ARG2: variants seen among roughly 807,000 people sequenced by gnomAD.
The protein encoded by ARG2 is arginase-2, mitochondrial.
A neutral mutation model predicts 39.4 loss-of-function variants in ARG2; 21 were observed. That is an observed-to-expected ratio of 0.53 (90% confidence interval 0.38 to 0.77). The LOEUF (loss-of-function observed/expected upper bound fraction) is 0.77. Ranked by LOEUF, ARG2 falls within the 30% of genes least tolerant of loss-of-function variation. The pLI is 0.00. For missense variants in ARG2, 378 were observed against 426.2 expected, an observed-to-expected ratio of 0.89 and a Z score of 1.00; for synonymous variants, 150 against 156.7, an observed-to-expected ratio of 0.96 and a Z score of 0.32.
intron 3 of ARG2, among the ~76,000 whole-genome samples, chr14:67,644,366 T>C (rs2037069280): frequency 6.6e-6 from 1 of 152,180 alleles, no homozygotes; most frequent in Non-Finnish European, 1.5e-5. Context: ...AGAAATTAGA[T>C]GGTTTGTCTT....
chr14:67,648,327 C>A, intron 7 of ARG2, 144 bp downstream of exon 7: 1 of 884,984 alleles, frequency 1.1e-6, no homozygotes, highest in Non-Finnish European at 1.6e-6. Context: ...ATTATATGGC[C>A]ATGCTAATAA....
chr14:67,622,692 C>T (rs770034258), intron 2 of ARG2, among the ~76,000 whole-genome samples: 2 of 152,204 alleles, frequency 1.3e-5, no homozygotes, highest in East Asian at 1.9e-4. Context: ...ACACTGAAGA[C>T]GACAATCTCT....
At chr14:67,637,410 C>CA (rs34746542) in intron 2 of ARG2, among the ~76,000 whole-genome samples, 1,409 of 103,470 alleles carry the variant, frequency 0.014, 65 homozygotes, top group African/African-American at 0.053. Flanking sequence ...GACTCTGTCT[C>CA]AAAAAAAAAA....
chr14:67,645,663 G>C lies in ARG2; in HGVS notation c.383G>C (p.Ser128Thr). Residue 128 changes from serine (S) to threonine (T), a missense_variant, in exon 4 of 8, where the codon AGT becomes ACT. Coordinates refer to ENST00000261783, the MANE Select transcript of ARG2 (RefSeq NM_001172.4). ...GDHSLAIGTISGHARHCPDLC... is the reference protein window; with the variant it reads ...GDHSLAIGTITGHARHCPDLC... ...TGCAGCCTGGCAATCGGTACCATTA[G>C]TGGCCATGCCCGACACTGCCCAGAC... The C allele has an allele frequency of 6.2e-7, 1 of 1,613,768 alleles. No homozygotes were observed. The highest frequency in any genetic ancestry group is 1.1e-5 in the South Asian group (1 of 91,008).
chr14:67,643,771 G>A (rs2037061816), intron 3 of ARG2, among the ~76,000 whole-genome samples: 1 of 149,386 alleles, frequency 6.7e-6, no homozygotes, highest in African/African-American at 2.5e-5. Context: ...TCCCTGAGGT[G>A]CTGAGAAAGC....
At chr14:67,624,168 T>C (rs2036839468) in intron 2 of ARG2, among the ~76,000 whole-genome samples, 1 of 152,214 alleles carries the variant, frequency 6.6e-6, no homozygotes, top group African/African-American at 2.4e-5. Context: ...AGAACCATGG[T>C]AATTTGTGAA....
In ARG2 at chr14:67,647,036, A is replaced by G; in HGVS notation, c.722+11A>G. 2.6e-6 allele frequency: 4 copies of G among 1,566,460 alleles called. No homozygotes were observed. The highest frequency in any genetic ancestry group is 3.5e-6 in the Non-Finnish European group (4 of 1,137,548). On this transcript the variant is annotated intron_variant, in intron 6 of 7. Transcript: ENST00000261783. ...TCTGCTGATTGGCAAGTAAGTAACT[A>G]TAACTGATGTCAGGGCAAACCCCCA...
At chr14:67,643,705 G>C (rs533423238) in intron 3 of ARG2, among the ~76,000 whole-genome samples, 1 of 152,036 alleles carries the variant, frequency 6.6e-6, no homozygotes, top group Non-Finnish European at 1.5e-5. Context: ...CCAAGGACTA[G>C]AACCAGGAAA....
chr14:67,622,410 C>T (rs547285830), intron 2 of ARG2, among the ~76,000 whole-genome samples: 1 of 152,122 alleles, frequency 6.6e-6, no homozygotes, highest in Non-Finnish European at 1.5e-5. Flanking sequence ...CTTCATATAC[C>T]TCCACCTACA....
At chr14:67,625,544 G>A (rs2036855291) in intron 2 of ARG2, among the ~76,000 whole-genome samples, 1 of 151,904 alleles carries the variant, frequency 6.6e-6, no homozygotes, top group South Asian at 2.1e-4. Flanking sequence ...GCCGGGCATG[G>A]TGGTGCATGC....
intron 3 of ARG2, among the ~76,000 whole-genome samples, chr14:67,643,864 A>G (rs921689769): frequency 1.2e-3 from 106 of 91,618 alleles, no homozygotes; most frequent in Non-Finnish European, 3.0e-4. Context: ...AAAAAAAAAA[A>G]AAAAAAAAAA....
At chr14:67,635,727 C>T (rs1355694999) in intron 2 of ARG2, among the ~76,000 whole-genome samples, 5 of 152,096 alleles carry the variant, frequency 3.3e-5, no homozygotes, top group African/African-American at 1.2e-4. Context: ...GTGGCAGGCA[C>T]CTGTAATACC....
At chr14:67,640,096 A>T (rs76577631) in intron 2 of ARG2, among the ~76,000 whole-genome samples, 5,542 of 152,140 alleles carry the variant, frequency 0.036, 286 homozygotes, top group African/African-American at 0.11. Context: ...ACTTTACTCA[A>T]ACCTTTTTGT....
intron 2 of ARG2, among the ~76,000 whole-genome samples, chr14:67,633,959 T>C (rs12436474): frequency 0.075 from 11,386 of 152,242 alleles, 588 homozygotes; most frequent in East Asian, 0.22. Context: ...ATCTGGTTCA[T>C]AGCAATTAGC....
rs763000966 is a variant in ARG2, at chr14:67,645,624, T to G, written c.363-19T>G. 15 of 1,608,962 alleles carry G rather than the reference T, an allele frequency of 9.3e-6. No homozygotes were observed. ...TTTGCCAAGCAGAGGGCCTTCAAGA[T>G]TATACTTGTTCTTTGCAGCCTGGCA... is the stretch of plus-strand genomic sequence containing the variant. On this transcript the variant is annotated intron_variant, in intron 3 of 7. Coordinates refer to ENST00000261783, the MANE Select transcript of ARG2 (RefSeq NM_001172.4).
rs567752051 is a variant in ARG2, at chr14:67,651,102, G to T, written c.*182G>T. 1.2e-4 allele frequency: 110 copies of T among 913,488 alleles called. No individual in the cohort carries two copies. The Middle Eastern group carries it at 1.5e-3, about 12-fold the overall frequency. The allele number at this position is 913,488 out of a possible 1,614,324, so 56.6% of individuals were successfully genotyped here. On this transcript the variant is annotated 3_prime_UTR_variant, in exon 8 of 8. Coordinates refer to ENST00000261783, the MANE Select transcript of ARG2 (RefSeq NM_001172.4). ...ACCAATACTACTGTAAATGTATTTG[G>T]TTTTTTGCAGTTCACAGGGTATTAA... is the stretch of plus-strand genomic sequence containing the variant.
In ARG2 at chr14:67,625,136, G is replaced by A. The variant is rs1013863977; in HGVS notation, c.184+4170G>A. On this transcript the variant is annotated intron_variant, in intron 2 of 7. Coordinates refer to ENST00000261783, the MANE Select transcript of ARG2 (RefSeq NM_001172.4). The stretch of plus-strand genomic sequence containing the variant: ...AGAATAGTCTTCAGTAAATGGTGCT[G>A]GGATAACTGGATATCCACATTAAAA... 2.6e-5 allele frequency among the ~76,000 whole-genome samples: 4 copies of A among 151,698 alleles called. No individual in the cohort carries two copies. The East Asian group carries it at 5.8e-4, about 22-fold the overall frequency.
At chr14:67,633,737 C>T (rs529417089) in intron 2 of ARG2, among the ~76,000 whole-genome samples, 16 of 152,318 alleles carry the variant, frequency 1.1e-4, no homozygotes, top group South Asian at 1.0e-3. Flanking sequence ...CGGCTCCTGC[C>T]GCATCTCTTT....
chr14:67,629,390 G>A (rs1362031214), intron 2 of ARG2, among the ~76,000 whole-genome samples: 1 of 152,188 alleles, frequency 6.6e-6, no homozygotes, highest in Non-Finnish European at 1.5e-5. Flanking sequence ...CAATATGGGT[G>A]AACTTTGAGG....
Sources: allele counts gnomAD v4.1 joint callset (sites outside exome capture counted in the v4.1 genomes callset), GRCh38; gene constraint gnomAD v4.1.1; transcripts MANE v1.5; gene names NCBI Gene and HGNC (gene_info 2026-07-23, HGNC 2026-07-21).